GUCY1A2: variants seen among roughly 807,000 people sequenced by gnomAD.
GUCY1A2 encodes the protein guanylate cyclase 1 soluble subunit alpha 2.
In GUCY1A2, 27 loss-of-function variants were observed where a neutral mutation model predicts 63.5. That is an observed-to-expected ratio of 0.43 (90% CI 0.31 to 0.59). The LOEUF is 0.59. Ranked by LOEUF, GUCY1A2 falls within the 20% of genes least tolerant of loss-of-function variation. GUCY1A2 has a pLI of 0.11. For missense variants in GUCY1A2, 768 were observed against 913.3 expected (o/e 0.84, Z 2.05); for synonymous variants, 364 against 343.5 (o/e 1.06, Z -0.66).
chr11:106,828,223 G>C (rs774941078), intron 4 of GUCY1A2, among the ~76,000 whole-genome samples: 2 of 151,782 alleles, frequency 1.3e-5, no homozygotes, highest in African/African-American at 2.4e-5. Context: ...GTCTATTTTT[G>C]GTTTTGTTGC....
chr11:106,731,204 C>T (rs953865509), intron 6 of GUCY1A2, among the ~76,000 whole-genome samples: 2 of 151,950 alleles, frequency 1.3e-5, no homozygotes, highest in African/African-American at 4.8e-5. Flanking sequence ...TTAGGTTATC[C>T]TCCTGAGTTT....
chr11:106,908,521 G>A (rs1860245661), intron 4 of GUCY1A2, among the ~76,000 whole-genome samples: 1 of 151,534 alleles, frequency 6.6e-6, no homozygotes, highest in African/African-American at 2.4e-5. Context: ...GAGAGCCGGT[G>A]ACAAAAAAAC....
rs75186203 is a variant in GUCY1A2, at chr11:106,677,911, G to A, written c.*9638C>T. On this transcript the variant is annotated 3_prime_UTR_variant, in exon 8 of 8. Transcript: ENST00000526355. ...GGTAATCATTTGGATTTTAGCAGGA[G>A]AATTTTTTTTAGACAGAATAAAATT... 1 of 200,520 alleles carries A rather than the reference G, an allele frequency of 5.0e-6. No individual in the cohort carries two copies. Among genetic ancestry groups the A allele is most frequent in the East Asian group, 7.6e-5 (1 of 13,186 alleles). 12.4% of individuals were successfully genotyped at this position (200,520 alleles called of 1,614,324 possible).
intron 4 of GUCY1A2, among the ~76,000 whole-genome samples, chr11:106,882,738 T>C (rs760380205): frequency 6.6e-6 from 1 of 152,018 alleles, no homozygotes; most frequent in Non-Finnish European, 1.5e-5. Flanking sequence ...TATGCACTTA[T>C]TGCCATCAAA....
chr11:106,874,795 A>G, intron 4 of GUCY1A2, among the ~76,000 whole-genome samples: 1 of 152,078 alleles, frequency 6.6e-6, no homozygotes, highest in Non-Finnish European at 1.5e-5. Flanking sequence ...AAATATTGTA[A>G]TATTTAATCT....
intron 1 of GUCY1A2, among the ~76,000 whole-genome samples, chr11:107,003,398 CT>C (rs1242794230): frequency 6.6e-6 from 1 of 152,160 alleles, no homozygotes; most frequent in Non-Finnish European, 1.5e-5. Context: ...CAAAAAAATC[CT>C]GTCACCTATA....
rs191876768 is a variant in GUCY1A2, at chr11:106,944,296, A to C, written c.488-4118T>G. On this transcript the variant is annotated intron_variant, in intron 3 of 7. Coordinates refer to ENST00000526355, the MANE Select transcript of GUCY1A2 (RefSeq NM_000855.3). The stretch of plus-strand genomic sequence containing the variant: ...CCTGTCTTTACTAAAAATACAAAAA[A>C]AGAGCCAGGCATAGTGGTGCAGGCC... 7.9e-3 allele frequency among the ~76,000 whole-genome samples: 750 copies of C among 94,800 alleles called. 1 individual carries two copies. The highest frequency in any genetic ancestry group is 0.014 in the Non-Finnish European group (541 of 38,374). 62.2% of individuals were successfully genotyped at this position (94,800 alleles called of 152,430 possible).
At position 106,677,853 on chromosome 11, in the gene GUCY1A2, C is replaced by T. The variant is rs1169459786; in HGVS notation, c.*9696G>A. 2 of 205,190 alleles carry T rather than the reference C, an allele frequency of 9.7e-6. No homozygotes were observed. The highest frequency in any genetic ancestry group is 4.6e-5 in the African/African-American group (2 of 43,764). 12.7% of individuals were successfully genotyped at this position (205,190 alleles called of 1,614,324 possible). ...TCTGAATCCAACTAAATATTTCATA[C>T]ATGTTCATAAAATGGGACTCCTCCT... On this transcript the variant is annotated 3_prime_UTR_variant, in exon 8 of 8. Transcript: ENST00000526355.
At chr11:106,800,909 A>C (rs1387760334) in intron 5 of GUCY1A2, among the ~76,000 whole-genome samples, 1 of 151,976 alleles carries the variant, frequency 6.6e-6, no homozygotes, top group Non-Finnish European at 1.5e-5. Flanking sequence ...ATCTCATAGA[A>C]TCAGGGGACC....
chr11:107,017,657 C>T (rs1376157048), intron 1 of GUCY1A2, 96 bp downstream of exon 1: 7 of 651,760 alleles, frequency 1.1e-5, no homozygotes, highest in Non-Finnish European at 1.5e-5. Flanking sequence ...CCCCAGCGGT[C>T]GGGCTCTGCG....
intron 4 of GUCY1A2, among the ~76,000 whole-genome samples, chr11:106,910,618 T>A (rs991046275): frequency 6.6e-6 from 1 of 152,052 alleles, no homozygotes; most frequent in Non-Finnish European, 1.5e-5. Flanking sequence ...TCCCTTGCAG[T>A]TAGTCTGGAT....
chr11:106,835,178 A>C (rs967952066), intron 4 of GUCY1A2, among the ~76,000 whole-genome samples: 1 of 151,964 alleles, frequency 6.6e-6, no homozygotes, highest in Non-Finnish European at 1.5e-5. Flanking sequence ...AAAGAAGTAA[A>C]GAATGACATC....
intron 1 of GUCY1A2, among the ~76,000 whole-genome samples, chr11:107,009,444 C>G (rs972187678): frequency 2.0e-5 from 3 of 152,118 alleles, no homozygotes; most frequent in Admixed American, 2.0e-4. Context: ...TCAAATTCAC[C>G]CTCACAACCA....
chr11:106,826,415 C>G, intron 4 of GUCY1A2: 2 of 1,563,774 alleles, frequency 1.3e-6, no homozygotes, highest in Non-Finnish European at 1.8e-6. Context: ...TCTTCTATAT[C>G]AATATTTGGA....
At chr11:106,893,408 G>A (rs1860001638) in intron 4 of GUCY1A2, among the ~76,000 whole-genome samples, 1 of 151,868 alleles carries the variant, frequency 6.6e-6, no homozygotes. Context: ...AAAGGATTGG[G>A]GAAATAAATA....
chr11:106,936,586 G>T, intron 4 of GUCY1A2: 1 of 845,218 alleles, frequency 1.2e-6, no homozygotes, highest in Non-Finnish European at 1.9e-6. Context: ...TAGAGAAAAT[G>T]TAGAGGAAAC....
intron 4 of GUCY1A2, among the ~76,000 whole-genome samples, chr11:106,823,134 T>G (rs111268654): frequency 6.6e-6 from 1 of 152,154 alleles, no homozygotes; most frequent in Non-Finnish European, 1.5e-5. Context: ...ATGTACATGT[T>G]TGTCACATGG....
chr11:106,726,548 A>T (rs1204072539), intron 6 of GUCY1A2, among the ~76,000 whole-genome samples: 1 of 152,182 alleles, frequency 6.6e-6, no homozygotes, highest in Admixed American at 6.5e-5. Context: ...GGGCTACAGG[A>T]TGGAGAATGA....
intron 6 of GUCY1A2, among the ~76,000 whole-genome samples, chr11:106,766,600 T>G (rs1463644581): frequency 6.6e-6 from 1 of 152,068 alleles, no homozygotes; most frequent in African/African-American, 2.4e-5. Context: ...TTTTTAAACT[T>G]TTATTTGAAA....
Sources: gnomAD v4.1 joint callset for allele counts (sites outside exome capture counted in the v4.1 genomes callset) on GRCh38, gnomAD v4.1.1 for gene constraint, MANE v1.5 for transcripts, NCBI Gene and HGNC (gene_info 2026-07-23, HGNC 2026-07-21) for gene names.